EXD2: variants seen among roughly 807,000 people sequenced by gnomAD.
The protein encoded by EXD2 is exonuclease 3'-5' domain containing 2.
Under a neutral mutation model 62.5 loss-of-function variants are expected in EXD2, and 40 were observed. The observed-to-expected ratio is 0.64, with a 90% CI of 0.50 to 0.83. EXD2 has a LOEUF of 0.83. EXD2 is among the 40% of genes least tolerant of loss of function. EXD2 has a pLI of 0.00. For missense variants in EXD2, 671 were observed against 761.8 expected, an observed-to-expected ratio of 0.88 and a Z score of 1.40; for synonymous variants, 239 against 291.9, an observed-to-expected ratio of 0.82 and a Z score of 1.85.
At chr14:69,228,726 T>C (rs1351889334) in intron 3 of EXD2, 90 bp from the exon 4 acceptor site, 3 of 1,495,450 alleles carry the variant, frequency 2.0e-6, no homozygotes, top group Non-Finnish European at 2.7e-6. Flanking sequence ...AAGTTAAGGA[T>C]GTACCTCTTA....
chr14:69,237,207 G>A (rs2043824590), intron 8 of EXD2, among the ~76,000 whole-genome samples: 1 of 152,198 alleles, frequency 6.6e-6, no homozygotes, highest in African/African-American at 2.4e-5. Context: ...AGGTTCCTAG[G>A]CCTTCTTGAG....
At chr14:69,208,505 C>G (rs191838318) in intron 2 of EXD2, among the ~76,000 whole-genome samples, 1 of 152,144 alleles carries the variant, frequency 6.6e-6, no homozygotes, top group Admixed American at 6.5e-5. Flanking sequence ...CCACCGCGCC[C>G]GGCCCAGGCC....
rs28499204 is a variant in EXD2, at chr14:69,227,646, G to A, written c.334-1170G>A. Reference sequence around the variant, plus strand: ...AAGGATCACTTGAGGTCAGGAGTTCGAGACCAGGGTGACATGGTGAAACTT... The same window carrying A: ...AAGGATCACTTGAGGTCAGGAGTTCAAGACCAGGGTGACATGGTGAAACTT... On this transcript the variant is annotated intron_variant, in intron 3 of 9. Transcript: ENST00000685843. Among the ~76,000 whole-genome samples the A allele has an allele frequency of 7.5e-3, 1,146 of 152,138 alleles. 9 individuals carry two copies. Among genetic ancestry groups the A allele is most frequent in the African/African-American group, 0.025 (1,045 of 41,494 alleles).
chr14:69,197,132 G>A (rs2042233166), intron 1 of EXD2, among the ~76,000 whole-genome samples: 1 of 152,170 alleles, frequency 6.6e-6, no homozygotes, highest in African/African-American at 2.4e-5. Context: ...GAGGCAGAAG[G>A]ATCACTTGAG....
intron 3 of EXD2, among the ~76,000 whole-genome samples, chr14:69,223,303 C>T (rs2043249217): frequency 6.6e-6 from 1 of 152,140 alleles, no homozygotes; most frequent in African/African-American, 2.4e-5. Flanking sequence ...GTCTAATAGT[C>T]ATCTCAAACT....
intron 3 of EXD2, among the ~76,000 whole-genome samples, chr14:69,222,103 T>C (rs1034879921): frequency 7.9e-5 from 12 of 151,370 alleles, no homozygotes; most frequent in African/African-American, 2.9e-4. Context: ...AAAAAAAAAT[T>C]ATTGGCATAT....
In EXD2 at chr14:69,241,592, A is replaced by G. The variant is rs2043985648; in HGVS notation, c.*492A>G. On this transcript the variant is annotated 3_prime_UTR_variant, in exon 10 of 10. Coordinates refer to ENST00000685843, the MANE Select transcript of EXD2 (RefSeq NM_001193360.2). ...ATTTATTTTCCCAATTCAACTTCAT[A>G]ATTATCATTTCTTTGGCTTCATGCT... is the stretch of plus-strand genomic sequence containing the variant. The G allele has an allele frequency of 2.9e-6, 1 of 344,910 alleles. No homozygotes were observed. The highest frequency in any genetic ancestry group is 4.5e-5 in the Admixed American group (1 of 21,982). The allele number at this position is 344,910 out of a possible 1,614,324, so 21.4% of individuals were successfully genotyped here.
intron 1 of EXD2, among the ~76,000 whole-genome samples, chr14:69,194,737 A>T (rs547579224): frequency 2.1e-4 from 32 of 152,166 alleles, no homozygotes; most frequent in Non-Finnish European, 4.4e-4. Context: ...ATACCACAAC[A>T]TCCTATATTA....
intron 1 of EXD2, among the ~76,000 whole-genome samples, chr14:69,199,997 A>T (rs1298425660): frequency 6.6e-6 from 1 of 152,228 alleles, no homozygotes; most frequent in Non-Finnish European, 1.5e-5. Context: ...CGTTAACTCC[A>T]GCATAATTAC....
Position 69,242,233 on chromosome 14 carries a change from A to G in EXD2, c.*1133A>G. On this transcript the variant is annotated 3_prime_UTR_variant, in exon 10 of 10. Transcript: ENST00000685843. ...AGTATTGGGAAAACTTTCTTATTTT[A>G]TAAGATCTTAACAAGCTTAAAAAAG... The G allele has an allele frequency of 2.6e-6, 1 of 392,086 alleles. No homozygotes were observed. The highest frequency in any genetic ancestry group is 4.5e-6 in the Non-Finnish European group (1 of 222,744). 24.3% of individuals were successfully genotyped at this position (392,086 alleles called of 1,614,324 possible). A position where few individuals can be genotyped will look rare whatever the true frequency, so the allele number is the denominator to read the frequency against.
At chr14:69,195,867 A>G (rs1402250271) in intron 1 of EXD2, among the ~76,000 whole-genome samples, 1 of 152,202 alleles carries the variant, frequency 6.6e-6, no homozygotes, top group Non-Finnish European at 1.5e-5. Flanking sequence ...TTATTACTGA[A>G]TGAAATTTCA....
intron 9 of EXD2, 105 bp from the exon 10 acceptor site, chr14:69,240,779 T>A: frequency 3.5e-6 from 3 of 866,786 alleles, no homozygotes; most frequent in East Asian, 2.6e-5. Flanking sequence ...CCTTTAGGAG[T>A]CCTTCAACCT....
chr14:69,203,651 G>A (rs545933775), intron 1 of EXD2, among the ~76,000 whole-genome samples: 7 of 152,314 alleles, frequency 4.6e-5, no homozygotes, highest in South Asian at 2.1e-4. Flanking sequence ...TGATGAACTC[G>A]GTTACTGGAA....
intron 3 of EXD2, among the ~76,000 whole-genome samples, chr14:69,223,187 C>T (rs917821856): frequency 1.3e-5 from 2 of 152,272 alleles, no homozygotes; most frequent in East Asian, 3.9e-4. Flanking sequence ...TTCCTGTATT[C>T]CCATCTAATT....
intron 3 of EXD2, among the ~76,000 whole-genome samples, chr14:69,214,586 G>C (rs1594751080): frequency 2.0e-5 from 3 of 152,110 alleles, no homozygotes; most frequent in Non-Finnish European, 2.9e-5. Flanking sequence ...AAAGAGAACA[G>C]CTCAGCTGTG....
At chr14:69,196,853 C>T (rs2042223214) in intron 1 of EXD2, among the ~76,000 whole-genome samples, 1 of 151,724 alleles carries the variant, frequency 6.6e-6, no homozygotes, top group South Asian at 2.1e-4. Flanking sequence ...AAATTCCTGG[C>T]GTCAAGTGAT....
chr14:69,208,294 T>C (rs1372534751), intron 2 of EXD2, among the ~76,000 whole-genome samples: 1 of 143,302 alleles, frequency 7.0e-6, no homozygotes, highest in Non-Finnish European at 1.5e-5. Flanking sequence ...CACTGCAAGC[T>C]CCGCCTCCCG....
intron 3 of EXD2, among the ~76,000 whole-genome samples, chr14:69,214,561 C>T (rs1566825541): frequency 6.6e-6 from 1 of 151,976 alleles, no homozygotes; most frequent in Non-Finnish European, 1.5e-5. Context: ...AAAATAAACA[C>T]TGAATGATTT....
chr14:69,229,094 G>T (rs1056300089), intron 4 of EXD2, 22 bp downstream of exon 4: 1 of 1,611,256 alleles, frequency 6.2e-7, no homozygotes, highest in Admixed American at 1.7e-5. Context: ...ATGAATGCTG[G>T]GATTCCTATA....
Sources: gnomAD v4.1 joint callset for allele counts (sites outside exome capture counted in the v4.1 genomes callset) on GRCh38, gnomAD v4.1.1 for gene constraint, MANE v1.5 for transcripts, NCBI Gene and HGNC (gene_info 2026-07-23, HGNC 2026-07-21) for gene names.